Variants in RHOU observed in about 807,000 individuals in gnomAD.
RHOU encodes the protein ras homolog family member U.
A neutral mutation model predicts 12.6 loss-of-function variants in RHOU; 8 were observed. The ratio of observed to expected loss-of-function variants is 0.64; its 90% CI spans 0.37 to 1.15. The LOEUF (loss-of-function observed/expected upper bound fraction) is 1.15. RHOU is among the 50% of genes most tolerant of loss of function. RHOU has a pLI of 0.01. For missense variants in RHOU, 258 were observed against 347.0 expected (o/e 0.74, Z 2.04); for synonymous variants, 161 against 147.4 (o/e 1.09, Z -0.67).
At chr1:228,690,731 C>T in the RHOU span, among the ~76,000 whole-genome samples, 1 of 152,152 alleles carries the variant, frequency 6.6e-6, no homozygotes, top group Non-Finnish European at 1.5e-5. Context: ...GATTCTTCTG[C>T]CTCAGTCTCC....
chr1:228,689,909 T>C, the RHOU span, among the ~76,000 whole-genome samples: 2 of 152,012 alleles, frequency 1.3e-5, no homozygotes. Flanking sequence ...ATGAAATGTT[T>C]GGGTCAGTCT....
the RHOU span, among the ~76,000 whole-genome samples, chr1:228,656,804 G>A: frequency 3.3e-5 from 5 of 152,090 alleles, no homozygotes; most frequent in African/African-American, 1.2e-4. Flanking sequence ...AAAAAAGGTA[G>A]CAAAATGACA....
chr1:228,733,625 T>C (rs1329033837), upstream of RHOU, among the ~76,000 whole-genome samples: 1 of 152,208 alleles, frequency 6.6e-6, no homozygotes, highest in Non-Finnish European at 1.5e-5. Context: ...TGCTTTATGA[T>C]GGAAAGAATT....
Position 228,743,341 on chromosome 1 carries a change from C to G in RHOU, c.378C>G (p.Leu126=). The change falls in exon 3 of 3, where the codon CTC becomes CTG. Residue 126 remains leucine (L), a synonymous_variant. Coordinates refer to ENST00000366691, the MANE Select transcript of RHOU (RefSeq NM_021205.6). This position sits in a 1 kb window ranked among gnomAD's most constrained non-coding sequence, Gnocchi z 5.1. The part of the protein sequence containing the change: ...LCYTNTDIFL[L]CFSVVSPSSF... ...ACACCAACACAGACATCTTCCTGCTCTGCTTCAGTGTCGTGAGCCCCTCAT... is the reference window on the plus strand; with the variant it reads ...ACACCAACACAGACATCTTCCTGCTGTGCTTCAGTGTCGTGAGCCCCTCAT... 1 of 1,614,216 alleles carries G rather than the reference C, an allele frequency of 6.2e-7. No individual in the cohort carries two copies. The highest frequency in any genetic ancestry group is 8.5e-7 in the Non-Finnish European group (1 of 1,180,036).
chr1:228,669,620 C>A, the RHOU span, among the ~76,000 whole-genome samples: 21 of 152,122 alleles, frequency 1.4e-4, no homozygotes, highest in Admixed American at 7.2e-4. Flanking sequence ...AACTAAAAGG[C>A]CTTAACTTGC....
the RHOU span, among the ~76,000 whole-genome samples, chr1:228,728,122 T>C: frequency 6.6e-6 from 1 of 152,122 alleles, no homozygotes; most frequent in Non-Finnish European, 1.5e-5. Context: ...AATGGCAGGG[T>C]TGCAACAGCT....
chr1:228,663,858 C>T, the RHOU span, among the ~76,000 whole-genome samples: 3 of 151,482 alleles, frequency 2.0e-5, no homozygotes, highest in African/African-American at 7.3e-5. Context: ...GTCCCGAACT[C>T]CTGACCTCAA....
At chr1:228,665,366 A>G in the RHOU span, among the ~76,000 whole-genome samples, 4,367 of 152,330 alleles carry the variant, frequency 0.029, 174 homozygotes, top group African/African-American at 0.085. Flanking sequence ...GTCAGGCTTG[A>G]GTCCACAGGA....
At chr1:228,711,063 T>C in the RHOU span, among the ~76,000 whole-genome samples, 1 of 151,960 alleles carries the variant, frequency 6.6e-6, no homozygotes, top group African/African-American at 2.4e-5. Flanking sequence ...TCACAATTGC[T>C]TCAAAGAGAA....
At chr1:228,658,286 CAAAAAA>C in the RHOU span, among the ~76,000 whole-genome samples, 13 of 93,966 alleles carry the variant, frequency 1.4e-4, no homozygotes, top group Admixed American at 3.6e-4. Context: ...GACCCTGTCT[CAAAAAA>C]AAAAAAAAAA....
the RHOU span, among the ~76,000 whole-genome samples, chr1:228,704,895 T>A: frequency 6.6e-6 from 1 of 151,594 alleles, no homozygotes; most frequent in Non-Finnish European, 1.5e-5. Flanking sequence ...CTTCACCTCC[T>A]GGGTTCGTGA....
the RHOU span, among the ~76,000 whole-genome samples, chr1:228,714,503 ATC>A: frequency 6.6e-6 from 1 of 152,076 alleles, no homozygotes; most frequent in Admixed American, 6.6e-5. Flanking sequence ...ATAGATACTA[ATC>A]TGTTTAAGCT....
chr1:228,652,177 C>T, the RHOU span, among the ~76,000 whole-genome samples: 5 of 152,276 alleles, frequency 3.3e-5, no homozygotes, highest in South Asian at 2.1e-4. Flanking sequence ...ATCAAGGTGG[C>T]GGCACCAGGT....
chr1:228,717,894 C>T, the RHOU span, among the ~76,000 whole-genome samples: 12 of 152,138 alleles, frequency 7.9e-5, no homozygotes, highest in African/African-American at 2.4e-4. Context: ...ATAAAAAATT[C>T]GGGTAATTCC....
At chr1:228,711,477 C>A in the RHOU span, among the ~76,000 whole-genome samples, 1 of 152,036 alleles carries the variant, frequency 6.6e-6, no homozygotes, top group Non-Finnish European at 1.5e-5. Flanking sequence ...ATCAATGGAA[C>A]AGAACAGAGC....
At chr1:228,681,664 C>T in the RHOU span, among the ~76,000 whole-genome samples, 1 of 151,956 alleles carries the variant, frequency 6.6e-6, no homozygotes, top group African/African-American at 2.4e-5. Context: ...CATTTAGAAC[C>T]ATTGTCGAGT....
At chr1:228,651,974 G>C in the RHOU span, among the ~76,000 whole-genome samples, 1 of 152,212 alleles carries the variant, frequency 6.6e-6, no homozygotes, top group East Asian at 1.9e-4. Context: ...GAAGTAGCAA[G>C]ATGTTGGCCT....
the RHOU span, among the ~76,000 whole-genome samples, chr1:228,705,441 G>T: frequency 6.6e-6 from 1 of 152,084 alleles, no homozygotes; most frequent in African/African-American, 2.4e-5. Flanking sequence ...AAGCAATTAA[G>T]CATCTCATTT....
At chr1:228,678,574 A>G in the RHOU span, among the ~76,000 whole-genome samples, 1 of 152,214 alleles carries the variant, frequency 6.6e-6, no homozygotes, top group Admixed American at 6.5e-5. Context: ...AAGAGGCATT[A>G]ATGATGGAGG....
Sources: allele counts gnomAD v4.1 joint callset (sites outside exome capture counted in the v4.1 genomes callset), GRCh38; gene constraint gnomAD v4.1.1; non-coding constraint Gnocchi (gnomAD v3.1); transcripts MANE v1.5; gene names NCBI Gene and HGNC (gene_info 2026-07-23, HGNC 2026-07-21).